SLC22A16: variants seen among roughly 807,000 people sequenced by gnomAD.
SLC22A16 encodes solute carrier family 22 member 16, also known as WUGSC:RG331P03.1.
Under a neutral mutation model 52.9 loss-of-function variants are expected in SLC22A16, and 53 were observed. That is an observed-to-expected ratio of 1.00 (90% CI 0.80 to 1.26). SLC22A16 has a LOEUF of 1.26. Among genes scored for constraint, SLC22A16 ranks in the 50% most tolerant of loss-of-function variants. SLC22A16 has a pLI of 0.00. For missense variants in SLC22A16, 726 were observed against 704.0 expected (o/e 1.03, Z -0.35); for synonymous variants, 291 against 268.8 (o/e 1.08, Z -0.81).
chr6:110,425,713 C>T (rs890665375), intron 7 of SLC22A16, among the ~76,000 whole-genome samples: 5 of 152,242 alleles, frequency 3.3e-5, no homozygotes, highest in Non-Finnish European at 7.3e-5. Flanking sequence ...GATTTTGACA[C>T]ATAAAAGGCA....
intron 2 of SLC22A16, chr6:110,455,906 G>A (rs2214114): frequency 0.096 from 14,600 of 152,386 alleles, 722 homozygotes; most frequent in Middle Eastern, 0.14. Flanking sequence ...GCACCATCTT[G>A]AAAGCAAACA....
At chr6:110,468,239 C>T (rs1776139034) in intron 1 of SLC22A16, among the ~76,000 whole-genome samples, 1 of 152,232 alleles carries the variant, frequency 6.6e-6, no homozygotes, top group South Asian at 2.1e-4. Context: ...CTTAGGGTCT[C>T]TTTGGGATGG....
intron 1 of SLC22A16, among the ~76,000 whole-genome samples, chr6:110,457,901 C>G (rs1775727627): frequency 6.6e-6 from 1 of 152,002 alleles, no homozygotes; most frequent in African/African-American, 2.4e-5. Context: ...CTCCCTTTCC[C>G]CAGGGGAGTT....
rs1554229887 is a variant in SLC22A16, at chr6:110,476,507, G to GCCCCCCCCCCCCCCCCCACC, written c.53+14_53+15insGGTGGGGGGGGGGGGGGGGG. 2.8e-6 allele frequency: 3 copies of GCCCCCCCCCCCCCCCCCACC among 1,072,992 alleles called. No homozygotes were observed. Among genetic ancestry groups the GCCCCCCCCCCCCCCCCCACC allele is most frequent in the African/African-American group, 5.6e-5 (2 of 35,460 alleles). The allele number at this position is 1,072,992 out of a possible 1,614,324, so 66.5% of individuals were successfully genotyped here. On this transcript the variant is annotated intron_variant, in intron 1 of 7. Coordinates refer to ENST00000368919, the MANE Select transcript of SLC22A16 (RefSeq NM_033125.4). ...GCCGCCTCCCGCGTGGCGCCGCGGGGCCCCTCCCCCATACCTGCCGAAGTG... is the reference window on the plus strand; with the variant it reads ...GCCGCCTCCCGCGTGGCGCCGCGGGGCCCCCCCCCCCCCCCCCACCCCCCTCCCCCATACCTGCCGAAGTG...
chr6:110,446,240 C>T (rs945284888), intron 3 of SLC22A16, among the ~76,000 whole-genome samples: 3 of 152,150 alleles, frequency 2.0e-5, no homozygotes, highest in Non-Finnish European at 2.9e-5. Context: ...CCTCCTTGCT[C>T]GCTAGTCCAT....
intron 1 of SLC22A16, among the ~76,000 whole-genome samples, chr6:110,466,966 T>G (rs892712748): frequency 1.3e-5 from 2 of 149,184 alleles, no homozygotes; most frequent in Admixed American, 1.3e-4. Context: ...GATAGATAGA[T>G]AGATAATCTG....
Position 110,442,773 on chromosome 6 carries a change from A to G in SLC22A16, c.654T>C (p.Val218=), listed in dbSNP as rs781013103. 1.9e-6 allele frequency: 3 copies of G among 1,610,640 alleles called. No homozygotes were observed. The highest frequency in any genetic ancestry group is 2.5e-6 in the Non-Finnish European group (3 of 1,178,578). ...FMAARFFLAM[V]ASGYLVVGFV... The stretch of plus-strand genomic sequence containing the variant: ...ACCCCACCACAAGATAGCCACTTGC[A>G]ACCTGAAAAACAAATAATAGGGATT... The change falls in exon 4 of 8, where the codon GTT becomes GTC. Residue 218 remains valine (V), a splice_region_variant and synonymous_variant. Coordinates refer to ENST00000368919, the MANE Select transcript of SLC22A16 (RefSeq NM_033125.4).
At chr6:110,464,713 T>G (rs1459572186) in intron 1 of SLC22A16, among the ~76,000 whole-genome samples, 1 of 152,010 alleles carries the variant, frequency 6.6e-6, no homozygotes, top group Non-Finnish European at 1.5e-5. Context: ...TTATCAGATG[T>G]ACAAAGAGCT....
rs371848431 is a variant in SLC22A16, at chr6:110,445,693, C to A, written c.651+1180G>T. ...CGCGTGGTATTTTGCAAGACTGAAA[C>A]AGATATTTTCAGAAATATCCTCTTA... On this transcript the variant is annotated intron_variant, in intron 3 of 7. Transcript: ENST00000368919. Among the ~76,000 whole-genome samples, 23 of 152,244 alleles carry A rather than the reference C, an allele frequency of 1.5e-4. No homozygotes were observed. In the South Asian group the frequency reaches 4.1e-3, roughly 27 times the overall value.
intron 4 of SLC22A16, among the ~76,000 whole-genome samples, chr6:110,440,751 T>G (rs941508487): frequency 6.6e-6 from 1 of 152,100 alleles, no homozygotes; most frequent in African/African-American, 2.4e-5. Context: ...CACTCCAACC[T>G]GGGCAACAGA....
chr6:110,468,288 G>A (rs1248875197), intron 1 of SLC22A16, among the ~76,000 whole-genome samples: 1 of 152,184 alleles, frequency 6.6e-6, no homozygotes, highest in South Asian at 2.1e-4. Flanking sequence ...GTGCTTGATG[G>A]GCTAATGGGA....
intron 1 of SLC22A16, among the ~76,000 whole-genome samples, chr6:110,462,276 A>C (rs966018149): frequency 5.3e-5 from 8 of 152,216 alleles, no homozygotes; most frequent in African/African-American, 1.7e-4. Context: ...GAATCAGCAT[A>C]AAAGCTCCAG....
At chr6:110,440,650 G>A (rs1321475282) in intron 4 of SLC22A16, among the ~76,000 whole-genome samples, 1 of 152,108 alleles carries the variant, frequency 6.6e-6, no homozygotes, top group East Asian at 1.9e-4. Flanking sequence ...GGTGGCATGT[G>A]CCCGTAATAT....
chr6:110,453,833 G>T (rs781161286), intron 2 of SLC22A16: 5 of 394,528 alleles, frequency 1.3e-5, no homozygotes, highest in Non-Finnish European at 2.0e-5. Context: ...AAGATCAAGG[G>T]TACTGGCTTC....
chr6:110,439,647 C>T (rs981399012), intron 4 of SLC22A16, among the ~76,000 whole-genome samples: 3 of 152,090 alleles, frequency 2.0e-5, no homozygotes, highest in South Asian at 2.1e-4. Context: ...ACGATGTCTA[C>T]GTATAAAAAT....
At chr6:110,453,322 T>G (rs1775455206) in intron 2 of SLC22A16, among the ~76,000 whole-genome samples, 2 of 152,214 alleles carry the variant, frequency 1.3e-5, no homozygotes, top group African/African-American at 4.8e-5. Context: ...TCATGGTCCC[T>G]TTTAATTATG....
At chr6:110,431,049 C>G in intron 7 of SLC22A16, 122 bp downstream of exon 7, 1 of 816,640 alleles carries the variant, frequency 1.2e-6, no homozygotes, top group South Asian at 1.6e-5. Flanking sequence ...GGGGTTGTTT[C>G]TACAAACCCC....
Position 110,456,867 on chromosome 6 carries a change from A to G in SLC22A16, c.204T>C (p.Asn68=). ...VSQVVFHNHS[N]WSLEDTGALL... is the part of the protein sequence containing the mutation. Reference sequence around the variant, plus strand: ...GGGCCCCGGTGTCCTCCAAACTCCAATTAGAGTGATTATGGAAAACAACCT... The same window carrying G: ...GGGCCCCGGTGTCCTCCAAACTCCAGTTAGAGTGATTATGGAAAACAACCT... Residue 68 remains asparagine, a synonymous_variant, in exon 2 of 8, where the codon AAT becomes AAC. Transcript: ENST00000368919. 4 of 1,614,094 alleles carry G rather than the reference A, an allele frequency of 2.5e-6. No homozygotes were observed. The highest frequency in any genetic ancestry group is 3.4e-6 in the Non-Finnish European group (4 of 1,179,984).
intron 1 of SLC22A16, among the ~76,000 whole-genome samples, chr6:110,462,360 G>A (rs1001670205): frequency 8.5e-5 from 13 of 152,066 alleles, no homozygotes; most frequent in African/African-American, 2.4e-4. Context: ...TAACTAAAAT[G>A]AAAATTCTGA....
Sources: allele counts gnomAD v4.1 joint callset (sites outside exome capture counted in the v4.1 genomes callset), GRCh38; gene constraint gnomAD v4.1.1; transcripts MANE v1.5; gene names NCBI Gene and HGNC (gene_info 2026-07-23, HGNC 2026-07-21).